DAB1: variants seen among roughly 807,000 people sequenced by gnomAD.
DAB1 encodes DAB adaptor protein 1, also known as disabled homolog 1.
Under a neutral mutation model 64.6 loss-of-function variants are expected in DAB1, and 15 were observed. The observed-to-expected ratio is 0.23, with a 90% CI of 0.16 to 0.36. The LOEUF is 0.36. Among genes scored for constraint, DAB1 ranks in the 10% least tolerant of loss-of-function variants. DAB1 has a pLI of 1.00. For missense variants in DAB1, 596 were observed against 706.7 expected (o/e 0.84, Z 1.78); for synonymous variants, 235 against 251.9 (o/e 0.93, Z 0.64).
chr1:57,891,804 A>G (rs1257884511), intron 5 of DAB1, among the ~76,000 whole-genome samples: 3 of 151,984 alleles, frequency 2.0e-5, no homozygotes, highest in African/African-American at 7.2e-5. Flanking sequence ...AAGAGAACAC[A>G]TGGACACAGG....
At chr1:57,897,963 T>A (rs1644417038) in intron 5 of DAB1, among the ~76,000 whole-genome samples, 3 of 152,080 alleles carry the variant, frequency 2.0e-5, no homozygotes, top group African/African-American at 4.8e-5. Context: ...CCCCATGAAG[T>A]TGACATGACA....
At chr1:57,908,022 A>C (rs1644581263) in intron 5 of DAB1, among the ~76,000 whole-genome samples, 1 of 151,988 alleles carries the variant, frequency 6.6e-6, no homozygotes, top group Admixed American at 6.6e-5. Context: ...GATCTGCAAT[A>C]ATAACATCAA....
chr1:58,346,869 C>G (rs991576892), intron 3 of DAB1, among the ~76,000 whole-genome samples: 1 of 152,172 alleles, frequency 6.6e-6, no homozygotes, highest in Non-Finnish European at 1.5e-5. Context: ...GCGAAGCAAG[C>G]TACAGGTATA....
At chr1:58,482,418 C>A (rs991411541) in intron 3 of DAB1, among the ~76,000 whole-genome samples, 5 of 152,154 alleles carry the variant, frequency 3.3e-5, no homozygotes, top group African/African-American at 1.2e-4. Flanking sequence ...AACTATTTAA[C>A]TCTTCAAAGT....
chr1:57,383,980 A>G (rs1346778896), intron 1 of DAB1, among the ~76,000 whole-genome samples: 1 of 151,402 alleles, frequency 6.6e-6, no homozygotes. Flanking sequence ...GTAAGAAAAA[A>G]TATTTGCAAA....
rs532878898 is a variant in DAB1, at chr1:58,492,882, C to T, written n.257+13178G>A. Among the ~76,000 whole-genome samples, 579 of 152,174 alleles carry T rather than the reference C, an allele frequency of 3.8e-3. 2 individuals carry two copies. Among genetic ancestry groups the T allele is most frequent in the African/African-American group, 9.9e-3 (409 of 41,518 alleles). ...TTCCTTCTGAAACTATTCCAATCAA[C>T]AGAAAAAGAGAGAATCCTCCCTAAC... On this transcript the variant is annotated intron_variant and non_coding_transcript_variant, in intron 3 of 20. Coordinates refer to the DAB1 transcript ENST00000485760.
intron 3 of DAB1, among the ~76,000 whole-genome samples, chr1:58,447,132 A>G (rs1040235813): frequency 6.6e-6 from 1 of 152,222 alleles, no homozygotes; most frequent in Non-Finnish European, 1.5e-5. Flanking sequence ...CTCCCTGGCC[A>G]TTATTCACAA....
intron 9 of DAB1, among the ~76,000 whole-genome samples, chr1:57,055,142 A>G (rs1190947560): frequency 1.3e-5 from 2 of 152,212 alleles, no homozygotes; most frequent in African/African-American, 4.8e-5. Context: ...ATAAAAATGT[A>G]CCTATGTGTT....
At chr1:57,543,706 G>A (rs1351794137) in intron 7 of DAB1, among the ~76,000 whole-genome samples, 1 of 152,140 alleles carries the variant, frequency 6.6e-6, no homozygotes, top group Non-Finnish European at 1.5e-5. Flanking sequence ...GATTTGAGTA[G>A]AAGGAATGGC....
intron 2 of DAB1, among the ~76,000 whole-genome samples, chr1:57,251,530 C>T (rs12088999): frequency 0.088 from 13,437 of 152,124 alleles, 1,972 homozygotes; most frequent in African/African-American, 0.31. Flanking sequence ...CCAATCACCT[C>T]GAGTACACTG....
rs549055558 is a variant in DAB1 at position 58,379,861 on chromosome 1, T to A, written n.258-36458A>T. 3.3e-4 allele frequency among the ~76,000 whole-genome samples: 51 copies of A among 152,336 alleles called. No homozygotes were observed. The South Asian group carries it at 0.011, about 32-fold the overall frequency. ...TCCCCCAGTATTTTTCTCCCCATCT[T>A]CTTTTTTATATAGAACCTCTCAGTT... On this transcript the variant is annotated intron_variant and non_coding_transcript_variant, in intron 3 of 20. Coordinates refer to the DAB1 transcript ENST00000485760.
At chr1:57,851,422 C>T (rs1278346301) in intron 1 of DAB1, among the ~76,000 whole-genome samples, 1 of 152,174 alleles carries the variant, frequency 6.6e-6, no homozygotes, top group Admixed American at 6.5e-5. Context: ...AATACTAGAG[C>T]ACACTAGAGC....
intron 7 of DAB1, among the ~76,000 whole-genome samples, chr1:57,599,448 C>A (rs199714066): frequency 6.6e-6 from 1 of 151,424 alleles, no homozygotes; most frequent in African/African-American, 2.4e-5. Context: ...TGGAAATAGC[C>A]GTTATAATGC....
chr1:57,238,317 A>T (rs1668240802), intron 2 of DAB1, among the ~76,000 whole-genome samples: 1 of 152,224 alleles, frequency 6.6e-6, no homozygotes, highest in Non-Finnish European at 1.5e-5. Flanking sequence ...ACCAGCTTAG[A>T]GGAATGTAGC....
intron 4 of DAB1, among the ~76,000 whole-genome samples, chr1:58,236,399 G>A (rs182177420): frequency 8.6e-5 from 13 of 152,040 alleles, no homozygotes; most frequent in Admixed American, 5.2e-4. Context: ...GACCCAAGAC[G>A]AGTGTCGATC....
At chr1:57,016,662 T>C (rs1177840678) in intron 11 of DAB1, among the ~76,000 whole-genome samples, 2 of 151,410 alleles carry the variant, frequency 1.3e-5, no homozygotes, top group African/African-American at 4.9e-5. Context: ...GGTTACACAC[T>C]GCAAAACCCC....
chr1:57,998,308 T>C (rs1339237816), intron 5 of DAB1, among the ~76,000 whole-genome samples: 1 of 152,196 alleles, frequency 6.6e-6, no homozygotes. Context: ...ATAATAGTGC[T>C]TCCTCACTAG....
chr1:57,763,917 C>T (rs1194489925), intron 6 of DAB1, among the ~76,000 whole-genome samples: 1 of 152,126 alleles, frequency 6.6e-6, no homozygotes, highest in Non-Finnish European at 1.5e-5. Flanking sequence ...ATATCAAAAT[C>T]TGAATTTAGT....
At chr1:57,193,661 A>T (rs1325035953) in intron 2 of DAB1, among the ~76,000 whole-genome samples, 7 of 152,192 alleles carry the variant, frequency 4.6e-5, no homozygotes, top group African/African-American at 1.7e-4. Flanking sequence ...CTGGCATTGT[A>T]GGCTTGAGCC....
Sources: allele counts gnomAD v4.1 joint callset (sites outside exome capture counted in the v4.1 genomes callset), GRCh38; gene constraint gnomAD v4.1.1; transcripts MANE v1.5; gene names NCBI Gene and HGNC (gene_info 2026-07-23, HGNC 2026-07-21).